The following MACROD2 variants were observed in gnomAD, a reference collection of about 807,000 sequenced individuals.
MACROD2 encodes the protein mono-ADP ribosylhydrolase 2, also known as ADP-ribose glycohydrolase MACROD2.
MACROD2 carries 36 observed loss-of-function variants against 70.4 expected under a neutral mutation model. That is an observed-to-expected ratio of 0.51 (90% CI 0.39 to 0.68). The LOEUF (loss-of-function observed/expected upper bound fraction) is 0.68. Ranked by LOEUF, MACROD2 falls within the 30% of genes least tolerant of loss-of-function variation. The pLI is 0.00. For synonymous variants in MACROD2, 172 were observed against 178.8 expected (o/e 0.96, Z 0.30); for missense variants, 496 against 538.4 (o/e 0.92, Z 0.78).
intron 3 of MACROD2, among the ~76,000 whole-genome samples, chr20:14,402,048 T>C (rs1265593742): frequency 1.3e-5 from 2 of 152,168 alleles, no homozygotes; most frequent in Non-Finnish European, 2.9e-5. Flanking sequence ...ATTTTCATGG[T>C]ACAGAGTATG....
intron 5 of MACROD2, among the ~76,000 whole-genome samples, chr20:14,989,776 T>G (rs2074884162): frequency 6.6e-6 from 1 of 152,164 alleles, no homozygotes; most frequent in Non-Finnish European, 1.5e-5. Context: ...CGGTCCGTTT[T>G]AGGTCGGTCA....
intron 3 of MACROD2, among the ~76,000 whole-genome samples, chr20:14,386,858 A>G (rs1052906065): frequency 2.0e-5 from 3 of 152,330 alleles, no homozygotes; most frequent in South Asian, 2.1e-4. Flanking sequence ...CTTTGCTTCA[A>G]ATGCAGAGAG....
At chr20:14,244,215 G>A (rs2081951529) in intron 3 of MACROD2, among the ~76,000 whole-genome samples, 1 of 152,192 alleles carries the variant, frequency 6.6e-6, no homozygotes, top group Admixed American at 6.5e-5. Flanking sequence ...TAACATAGAA[G>A]AATGACAGAG....
intron 3 of MACROD2, among the ~76,000 whole-genome samples, chr20:14,396,989 C>CTTTTTTT (rs372145747): frequency 4.1e-5 from 4 of 96,984 alleles, no homozygotes; most frequent in East Asian, 3.6e-4. Context: ...AGACCATTTA[C>CTTTTTTT]TTTTTTTTTT....
chr20:15,104,555 G>C (rs564247942), intron 5 of MACROD2, among the ~76,000 whole-genome samples: 2 of 152,178 alleles, frequency 1.3e-5, no homozygotes, highest in African/African-American at 2.4e-5. Context: ...GTTTGAATAA[G>C]TGCGTTTGAT....
intron 5 of MACROD2, among the ~76,000 whole-genome samples, chr20:14,879,291 G>A (rs964758479): frequency 3.3e-5 from 5 of 152,214 alleles, no homozygotes; most frequent in Admixed American, 6.5e-5. Flanking sequence ...TAAATTTAAT[G>A]TATGTCATCT....
chr20:14,840,021 G>C (rs932834432), intron 5 of MACROD2, among the ~76,000 whole-genome samples: 2 of 148,024 alleles, frequency 1.4e-5, no homozygotes, highest in Non-Finnish European at 3.0e-5. Flanking sequence ...ACATCTTTTA[G>C]AGTCTCCATG....
intron 8 of MACROD2, among the ~76,000 whole-genome samples, chr20:15,661,468 A>G (rs545502821): frequency 1.3e-5 from 2 of 152,266 alleles, no homozygotes; most frequent in Admixed American, 6.5e-5. Flanking sequence ...GAATGAATTC[A>G]TTACCACCAA....
At chr20:15,859,740 C>T (rs1339204142) in intron 8 of MACROD2, among the ~76,000 whole-genome samples, 1 of 148,446 alleles carries the variant, frequency 6.7e-6, no homozygotes, top group African/African-American at 2.5e-5. Flanking sequence ...AAAAGTGTTT[C>T]ACTGTCACCA....
At chr20:14,553,299 G>A (rs1359128633) in intron 4 of MACROD2, among the ~76,000 whole-genome samples, 1 of 151,158 alleles carries the variant, frequency 6.6e-6, no homozygotes, top group Non-Finnish European at 1.5e-5. Context: ...TTTTCCCAGT[G>A]GAATGTCTTC....
At chr20:14,400,656 A>G (rs1239531658) in intron 3 of MACROD2, among the ~76,000 whole-genome samples, 2 of 152,166 alleles carry the variant, frequency 1.3e-5, no homozygotes, top group Admixed American at 6.5e-5. Flanking sequence ...GTCTCCGGGC[A>G]GCAAGATGGG....
chr20:15,153,349 A>G (rs2076285015), intron 5 of MACROD2, among the ~76,000 whole-genome samples: 1 of 152,096 alleles, frequency 6.6e-6, no homozygotes, highest in South Asian at 2.1e-4. Flanking sequence ...AGGGGTCACA[A>G]GGTGCTCAGT....
At chr20:14,027,173 C>G (rs1338642919) in intron 2 of MACROD2, among the ~76,000 whole-genome samples, 2 of 151,936 alleles carry the variant, frequency 1.3e-5, no homozygotes, top group East Asian at 3.9e-4. Context: ...TTCTTTTTTT[C>G]TCTCATCTTG....
intron 8 of MACROD2, among the ~76,000 whole-genome samples, chr20:15,581,279 A>T (rs1023790426): frequency 3.3e-5 from 5 of 152,204 alleles, no homozygotes; most frequent in African/African-American, 9.6e-5. Context: ...GTCTCTGTTG[A>T]TGTGTTCCCA....
intron 3 of MACROD2, among the ~76,000 whole-genome samples, chr20:14,192,512 G>A (rs2081396963): frequency 6.6e-6 from 1 of 152,166 alleles, no homozygotes; most frequent in East Asian, 1.9e-4. Flanking sequence ...TGTGGGAAGA[G>A]GCACTGGTCC....
In MACROD2 at chr20:15,306,383, G is replaced by A. The variant is rs1009533263; in HGVS notation, c.540+76322G>A. Among the ~76,000 whole-genome samples the A allele has an allele frequency of 5.3e-5, 8 of 152,094 alleles. No individual in the cohort carries two copies. In the East Asian group the frequency reaches 7.7e-4, roughly 15 times the overall value. ...TCTGAGCACTTATTATGTGCCATGC[G>A]CATGCTAAATACTTTACATACATTA... On this transcript the variant is annotated intron_variant, in intron 6 of 17. Coordinates refer to ENST00000684519, the MANE Select transcript of MACROD2 (RefSeq NM_001351661.2).
chr20:14,372,142 G>T (rs1013285667), intron 3 of MACROD2, among the ~76,000 whole-genome samples: 2 of 152,154 alleles, frequency 1.3e-5, no homozygotes, highest in Non-Finnish European at 2.9e-5. Context: ...AGATTCCAGT[G>T]AGTGCTTGTG....
At chr20:15,739,454 A>G (rs1038510905) in intron 8 of MACROD2, among the ~76,000 whole-genome samples, 1 of 152,200 alleles carries the variant, frequency 6.6e-6, no homozygotes, top group African/African-American at 2.4e-5. Flanking sequence ...AAGGAGGCAT[A>G]GAAGAGACAC....
At chr20:14,869,027 A>G (rs1219798060) in intron 5 of MACROD2, among the ~76,000 whole-genome samples, 1 of 152,066 alleles carries the variant, frequency 6.6e-6, no homozygotes, top group East Asian at 1.9e-4. Flanking sequence ...AAAGATCACA[A>G]CAGAGCACTA....
Sources: gnomAD v4.1 joint callset for allele counts (sites outside exome capture counted in the v4.1 genomes callset) on GRCh38, gnomAD v4.1.1 for gene constraint, MANE v1.5 for transcripts, NCBI Gene and HGNC (gene_info 2026-07-23, HGNC 2026-07-21) for gene names.